Variants in GRM4 observed in about 807,000 individuals in gnomAD.
GRM4 encodes metabotropic glutamate receptor 4.
In GRM4, 28 loss-of-function variants were observed where a neutral mutation model predicts 81.7. The ratio of observed to expected loss-of-function variants is 0.34; its 90% CI spans 0.25 to 0.47. The LOEUF (loss-of-function observed/expected upper bound fraction) is 0.47, where lower values mean the gene tolerates loss of function less well. Ranked by LOEUF, GRM4 falls within the 20% of genes least tolerant of loss-of-function variation. The pLI, the probability that GRM4 is intolerant of heterozygous loss-of-function variation, is 1.00. For missense variants in GRM4, 948 were observed against 1,290.0 expected (o/e 0.73, Z 4.06); for synonymous variants, 488 against 528.8 (o/e 0.92, Z 1.06).
intron 3 of GRM4, 36 bp downstream of exon 3, chr6:34,091,847 G>C (rs778831768): frequency 6.7e-7 from 1 of 1,483,954 alleles, no homozygotes; most frequent in Admixed American, 1.7e-5. Flanking sequence ...ACACCCCCGA[G>C]CCTGGCATGA....
intron 2 of GRM4, among the ~76,000 whole-genome samples, chr6:34,108,820 C>T (rs750013268): frequency 1.8e-4 from 27 of 152,096 alleles, no homozygotes; most frequent in Non-Finnish European, 3.7e-4. Flanking sequence ...GTCCCCTGCT[C>T]ACGAAGGCAC....
At chr6:34,112,024 G>A (rs1769403781) in intron 2 of GRM4, among the ~76,000 whole-genome samples, 1 of 152,182 alleles carries the variant, frequency 6.6e-6, no homozygotes, top group Non-Finnish European at 1.5e-5. Context: ...AAACGTAGTG[G>A]AAGGGGGGGA....
chr6:34,146,227 C>T (rs1364432773), upstream of GRM4: 1 of 820,188 alleles, frequency 1.2e-6, no homozygotes, highest in Non-Finnish European at 1.5e-6. Flanking sequence ...AAGTATATAA[C>T]AAGGGGAGAA....
At chr6:34,088,898 G>A (rs1561804560) in intron 3 of GRM4, among the ~76,000 whole-genome samples, 1 of 152,150 alleles carries the variant, frequency 6.6e-6, no homozygotes, top group Non-Finnish European at 1.5e-5. Flanking sequence ...CCAGTGCCAG[G>A]GCTTCCTTTA....
chr6:34,097,121 A>G (rs188410833), intron 2 of GRM4, among the ~76,000 whole-genome samples: 78 of 152,272 alleles, frequency 5.1e-4, no homozygotes, highest in African/African-American at 1.8e-3. Flanking sequence ...TCCAATCTAG[A>G]TGGAGGCAGG....
intron 3 of GRM4, among the ~76,000 whole-genome samples, chr6:34,071,790 AATC>A (rs1295000609): frequency 6.6e-6 from 1 of 150,876 alleles, no homozygotes; most frequent in Non-Finnish European, 1.5e-5. Flanking sequence ...ATAGACACAC[AATC>A]ACCACTCACC....
intron 2 of GRM4, among the ~76,000 whole-genome samples, chr6:34,118,040 C>T (rs1378171179): frequency 6.6e-6 from 1 of 152,190 alleles, no homozygotes; most frequent in Middle Eastern, 3.2e-3. Context: ...AAGCTGGCTA[C>T]AGAACCATAT....
At chr6:34,024,304 T>G (rs1326463761) in intron 10 of GRM4, 2 of 204,248 alleles carry the variant, frequency 9.8e-6, no homozygotes, top group African/African-American at 4.5e-5. Flanking sequence ...CTTTCCCCCA[T>G]GCGTCTTCTC....
chr6:34,060,358 A>T (rs893826885), intron 4 of GRM4: 15 of 152,328 alleles, frequency 9.8e-5, no homozygotes, highest in African/African-American at 3.4e-4. Context: ...GCTCCCGATC[A>T]TCCAGCCCTG....
Position 34,119,083 on chromosome 6 carries a change from C to T in GRM4, c.519+13895G>A, listed in dbSNP as rs143327096. 1.1e-3 allele frequency among the ~76,000 whole-genome samples: 164 copies of T among 152,278 alleles called. 1 individual carries two copies. Among genetic ancestry groups the T allele is most frequent in the East Asian group, 9.7e-4 (5 of 5,178 alleles). ...ATATGTGATTCATCCCTCTAGATTCCGTGGAGATCCACAAAAGAAACAGAT... is the reference window on the plus strand; with the variant it reads ...ATATGTGATTCATCCCTCTAGATTCTGTGGAGATCCACAAAAGAAACAGAT... On this transcript the variant is annotated intron_variant, in intron 2 of 10. Coordinates refer to ENST00000538487, the MANE Select transcript of GRM4 (RefSeq NM_000841.4).
intron 2 of GRM4, among the ~76,000 whole-genome samples, chr6:34,128,504 A>G (rs1374297251): frequency 6.6e-5 from 10 of 151,560 alleles, no homozygotes; most frequent in Non-Finnish European, 1.0e-4. Flanking sequence ...CAGCCTCCCA[A>G]GTAGCTGGGA....
intron 2 of GRM4, chr6:34,110,957 C>G (rs1769351398): frequency 1.2e-6 from 1 of 810,660 alleles, no homozygotes; most frequent in South Asian, 4.8e-5. Context: ...GAACGCTGTG[C>G]CCCACAGACT....
Position 34,114,707 on chromosome 6 carries a change from C to T in GRM4, c.519+18271G>A, listed in dbSNP as rs1055941006. On this transcript the variant is annotated intron_variant, in intron 2 of 10. Transcript: ENST00000538487. The surrounding 1 kb of genome is among the most constrained non-coding windows in gnomAD (Gnocchi z 4.3). ...CCTCTGACAAAGGCTGCCCCATGCA[C>T]GCCTTGTCAGAACTGCCCTCGCCCT... is the stretch of plus-strand genomic sequence containing the variant. Among the ~76,000 whole-genome samples, 5 of 152,232 alleles carry T rather than the reference C, an allele frequency of 3.3e-5. No homozygotes were observed. Among genetic ancestry groups the T allele is most frequent in the Non-Finnish European group, 5.9e-5 (4 of 68,026 alleles).
chr6:34,034,039 T>C lies in GRM4; in HGVS notation c.2442+1629A>G, dbSNP rs1764572622. 6.6e-6 allele frequency among the ~76,000 whole-genome samples: 1 copy of C among 152,166 alleles called. No homozygotes were observed. The highest frequency in any genetic ancestry group is 1.9e-4 in the East Asian group (1 of 5,184). ...TAGGCATGAGCCACCACACCCAGCCTTGGGCTCACAGCTCTAGATGCCAGG... is the reference window on the plus strand; with the variant it reads ...TAGGCATGAGCCACCACACCCAGCCCTGGGCTCACAGCTCTAGATGCCAGG... On this transcript the variant is annotated intron_variant, in intron 9 of 10. Coordinates refer to ENST00000538487, the MANE Select transcript of GRM4 (RefSeq NM_000841.4). This position sits in a 1 kb window ranked among gnomAD's most constrained non-coding sequence, Gnocchi z 4.0.
chr6:34,027,770 C>T (rs1764204999), intron 10 of GRM4, among the ~76,000 whole-genome samples: 1 of 152,322 alleles, frequency 6.6e-6, no homozygotes, highest in South Asian at 2.1e-4. Flanking sequence ...AGGGAAATCC[C>T]GGGGTCCCCG....
intron 1 of GRM4, among the ~76,000 whole-genome samples, chr6:34,154,689 GAGAC>G (rs1385934855): frequency 6.6e-6 from 1 of 152,182 alleles, no homozygotes; most frequent in Admixed American, 6.5e-5. Context: ...GGAGGGCAGG[GAGAC>G]AGACACGTGG....
chr6:34,068,338 T>C lies in GRM4; in HGVS notation c.737-6310A>G, dbSNP rs778962820. On this transcript the variant is annotated intron_variant, in intron 3 of 10. Transcript: ENST00000538487. This position sits in a 1 kb window ranked among gnomAD's most constrained non-coding sequence, Gnocchi z 4.2. ...AACACTCTGGACTTGTAAATCCCAC[T>C]TACCTTCAAGTGAGGCGGGACGTGC... 2.1e-4 allele frequency among the ~76,000 whole-genome samples: 32 copies of C among 152,162 alleles called. No homozygotes were observed. The highest frequency in any genetic ancestry group is 3.5e-4 in the Non-Finnish European group (24 of 68,020).
At position 34,069,854 on chromosome 6, in the gene GRM4, G is replaced by A. The variant is rs1766711925; in HGVS notation, c.737-7826C>T. ...GCACATGCTGCTCCCTCTGCCAGGA[G>A]CACCCCCACCTCAGCTGCTCAGCCA... On this transcript the variant is annotated intron_variant, in intron 3 of 10. Coordinates refer to ENST00000538487, the MANE Select transcript of GRM4 (RefSeq NM_000841.4). The surrounding 1 kb of genome is among the most constrained non-coding windows in gnomAD (Gnocchi z 6.4). Among the ~76,000 whole-genome samples the A allele has an allele frequency of 6.6e-6, 1 of 152,086 alleles. No homozygotes were observed.
intron 6 of GRM4, chr6:34,054,707 C>T (rs968207974): frequency 6.6e-6 from 1 of 152,432 alleles, no homozygotes; most frequent in Non-Finnish European, 1.5e-5. Context: ...GGCACTGGGT[C>T]CAGGAGGCAC....
Sources: gnomAD v4.1 joint callset for allele counts (sites outside exome capture counted in the v4.1 genomes callset) on GRCh38, gnomAD v4.1.1 for gene constraint, Gnocchi (gnomAD v3.1) non-coding constraint, MANE v1.5 for transcripts, NCBI Gene and HGNC (gene_info 2026-07-23, HGNC 2026-07-21) for gene names.